IGF2BP3: variants seen among roughly 807,000 people sequenced by gnomAD.
IGF2BP3 encodes insulin like growth factor 2 mRNA binding protein 3, also known as insulin-like growth factor 2 mRNA-binding protein 3.
Under a neutral mutation model 73.8 loss-of-function variants are expected in IGF2BP3, and 9 were observed. The observed-to-expected ratio is 0.12, with a 90% CI of 0.07 to 0.21. The LOEUF is 0.21. Ranked by LOEUF, IGF2BP3 falls within the 10% of genes least tolerant of loss-of-function variation. The pLI is 1.00. For synonymous variants in IGF2BP3, 258 were observed against 256.7 expected, an observed-to-expected ratio of 1.01 and a Z score of -0.05; for missense variants, 542 against 714.0, an observed-to-expected ratio of 0.76 and a Z score of 2.75.
chr7:23,426,239 A>C (rs1787506301), intron 2 of IGF2BP3, among the ~76,000 whole-genome samples: 1 of 149,246 alleles, frequency 6.7e-6, no homozygotes, highest in Non-Finnish European at 1.5e-5. Flanking sequence ...AGGCAGGAGA[A>C]TCGCTTGAAC....
chr7:23,311,725 A>G lies in IGF2BP3; in HGVS notation c.*637T>C, dbSNP rs1478453872. 1 of 141,444 alleles carries G rather than the reference A, an allele frequency of 7.1e-6. No homozygotes were observed. Among genetic ancestry groups the G allele is most frequent in the Non-Finnish European group, 1.6e-5 (1 of 60,732 alleles). 8.8% of individuals were successfully genotyped at this position (141,444 alleles called of 1,614,324 possible). A position where few individuals can be genotyped will look rare whatever the true frequency, so the allele number is the denominator to read the frequency against. On this transcript the variant is annotated 3_prime_UTR_variant, in exon 15 of 15. Coordinates refer to ENST00000258729, the MANE Select transcript of IGF2BP3 (RefSeq NM_006547.3). ...TTTTTTAAAAAACGGTTGGACTTCT[A>G]TCATTATAAAGTATATAAAATTTTC...
At chr7:23,424,655 T>C (rs1264357049) in intron 2 of IGF2BP3, among the ~76,000 whole-genome samples, 1 of 152,068 alleles carries the variant, frequency 6.6e-6, no homozygotes, top group African/African-American at 2.4e-5. Flanking sequence ...CCCAGCACTT[T>C]GGGAGAACTG....
chr7:23,368,611 T>C (rs533076511), intron 3 of IGF2BP3, among the ~76,000 whole-genome samples: 1 of 152,136 alleles, frequency 6.6e-6, no homozygotes, highest in South Asian at 2.1e-4. Context: ...TCTATTAACA[T>C]ACTAGGCCGG....
At chr7:23,458,897 C>A (rs1044476118) in intron 2 of IGF2BP3, among the ~76,000 whole-genome samples, 9 of 152,138 alleles carry the variant, frequency 5.9e-5, no homozygotes, top group African/African-American at 2.2e-4. Flanking sequence ...CATGATTGGG[C>A]TCCTGTGCAA....
At chr7:23,333,790 G>A (rs1244104331) in intron 10 of IGF2BP3, among the ~76,000 whole-genome samples, 3 of 152,234 alleles carry the variant, frequency 2.0e-5, no homozygotes, top group Non-Finnish European at 2.9e-5. Flanking sequence ...AGACAATGAT[G>A]TGTGCTGTTG....
chr7:23,408,185 T>C (rs895017344), intron 3 of IGF2BP3, among the ~76,000 whole-genome samples: 5 of 151,952 alleles, frequency 3.3e-5, no homozygotes, highest in African/African-American at 1.2e-4. Context: ...CTCACAAAAA[T>C]TGAGGAAGGG....
At chr7:23,466,479 A>G (rs1788570028) in intron 2 of IGF2BP3, among the ~76,000 whole-genome samples, 1 of 152,264 alleles carries the variant, frequency 6.6e-6, no homozygotes, top group Non-Finnish European at 1.5e-5. Context: ...TGAAAATTCA[A>G]TTTACATTGT....
At chr7:23,431,465 G>C (rs1042677651) in intron 2 of IGF2BP3, among the ~76,000 whole-genome samples, 2 of 152,020 alleles carry the variant, frequency 1.3e-5, no homozygotes, top group African/African-American at 4.8e-5. Context: ...TGGAAAGGAG[G>C]AAACATAACT....
chr7:23,342,610 G>A (rs2128501594), intron 9 of IGF2BP3, among the ~76,000 whole-genome samples: 2 of 152,264 alleles, frequency 1.3e-5, no homozygotes, highest in Admixed American at 1.3e-4. Flanking sequence ...TACTTGCTGG[G>A]TAAAACTTAG....
intron 10 of IGF2BP3, among the ~76,000 whole-genome samples, chr7:23,324,138 T>C: frequency 6.6e-6 from 1 of 152,078 alleles, no homozygotes; most frequent in East Asian, 1.9e-4. Flanking sequence ...AGGAGCTGGT[T>C]TTTTGAAAGG....
chr7:23,387,144 G>T (rs1786109990), intron 3 of IGF2BP3, among the ~76,000 whole-genome samples: 1 of 152,052 alleles, frequency 6.6e-6, no homozygotes, highest in South Asian at 2.1e-4. Context: ...AACATCAGTG[G>T]TAAGTCATAT....
chr7:23,387,971 C>T (rs374169614), intron 3 of IGF2BP3, among the ~76,000 whole-genome samples: 7 of 152,014 alleles, frequency 4.6e-5, no homozygotes, highest in African/African-American at 1.7e-4. Context: ...GAGTCTCGCT[C>T]TGTTGCCCAG....
At chr7:23,460,187 AAAAAAAAAAC>A (rs1257536085) in intron 2 of IGF2BP3, among the ~76,000 whole-genome samples, 3 of 150,026 alleles carry the variant, frequency 2.0e-5, no homozygotes, top group African/African-American at 7.4e-5. Flanking sequence ...TCAAAAAAAA[AAAAAAAAAAC>A]AAAAACGAAA....
intron 2 of IGF2BP3, among the ~76,000 whole-genome samples, chr7:23,432,269 C>T (rs1458744198): frequency 3.3e-5 from 5 of 152,202 alleles, no homozygotes; most frequent in African/African-American, 1.2e-4. Flanking sequence ...TGTTTTTCTA[C>T]GTACTCTCTT....
chr7:23,425,153 G>A (rs1205506937), intron 2 of IGF2BP3, among the ~76,000 whole-genome samples: 2 of 152,130 alleles, frequency 1.3e-5, no homozygotes, highest in Non-Finnish European at 2.9e-5. Context: ...TTTACATGAG[G>A]TTTGTTCGTA....
At chr7:23,378,508 T>C (rs887992068) in intron 3 of IGF2BP3, among the ~76,000 whole-genome samples, 2 of 148,918 alleles carry the variant, frequency 1.3e-5, no homozygotes, top group Non-Finnish European at 3.0e-5. Context: ...TTCTCCTGTT[T>C]CAGCCTCCTA....
chr7:23,450,894 AT>A (rs913190640), intron 2 of IGF2BP3, among the ~76,000 whole-genome samples: 13 of 151,710 alleles, frequency 8.6e-5, no homozygotes, highest in African/African-American at 2.4e-4. Context: ...TTAAAAAGGA[AT>A]TTTTTTTTAA....
chr7:23,314,629 A>G (rs923426799), intron 12 of IGF2BP3, among the ~76,000 whole-genome samples: 7 of 151,860 alleles, frequency 4.6e-5, no homozygotes, highest in African/African-American at 1.5e-4. Flanking sequence ...AGCAAAAGAG[A>G]CAGAACTGCA....
chr7:23,342,043 A>T (rs1784724985), intron 10 of IGF2BP3, 21 bp downstream of exon 10: 1 of 1,538,338 alleles, frequency 6.5e-7, no homozygotes, highest in Non-Finnish European at 8.7e-7. Context: ...TCACAAAGAA[A>T]GCCAAGGCCA....
Sources: gnomAD v4.1 joint callset for allele counts (sites outside exome capture counted in the v4.1 genomes callset) on GRCh38, gnomAD v4.1.1 for gene constraint, MANE v1.5 for transcripts, NCBI Gene and HGNC (gene_info 2026-07-23, HGNC 2026-07-21) for gene names.